Variants in IQCH observed in about 807,000 individuals in gnomAD.
IQCH encodes IQ motif containing H, also known as IQ domain-containing protein H.
IQCH carries 98 observed loss-of-function variants against 117.0 expected under a neutral mutation model. The observed-to-expected ratio is 0.84, with a 90% CI of 0.71 to 0.99. The LOEUF (loss-of-function observed/expected upper bound fraction) is 0.99, where lower values mean the gene tolerates loss of function less well. Among genes scored for constraint, IQCH ranks in the 50% least tolerant of loss-of-function variants. The pLI is 0.00. For missense variants in IQCH, 1,102 were observed against 1,243.8 expected, an observed-to-expected ratio of 0.89 and a Z score of 1.72; for synonymous variants, 412 against 448.2, an observed-to-expected ratio of 0.92 and a Z score of 1.02.
chr15:67,478,873 G>A (rs913228041), intron 18 of IQCH, among the ~76,000 whole-genome samples: 6 of 151,170 alleles, frequency 4.0e-5, no homozygotes, highest in African/African-American at 7.3e-5. Context: ...GCAGTGAGCC[G>A]AGATTGCGCC....
rs932312708 is a variant in IQCH at position 67,387,454 on chromosome 15, G to A, written c.1457-1377G>A. Among the ~76,000 whole-genome samples the A allele has an allele frequency of 1.3e-5, 2 of 152,110 alleles. No individual in the cohort carries two copies. Among genetic ancestry groups the A allele is most frequent in the African/African-American group, 4.8e-5 (2 of 41,410 alleles). ...TACTCCACACTGTGCCAGGGCTTAG[G>A]GGAATATAAGAAATAGTACAAACAT... On this transcript the variant is annotated intron_variant, in intron 11 of 20. Transcript: ENST00000335894. This position sits in a 1 kb window ranked among gnomAD's most constrained non-coding sequence, Gnocchi z 4.8.
chr15:67,300,990 T>TA (rs1281149991), intron 4 of IQCH, among the ~76,000 whole-genome samples: 1 of 152,176 alleles, frequency 6.6e-6, no homozygotes, highest in Non-Finnish European at 1.5e-5. Flanking sequence ...CTTTTGTTCT[T>TA]ACAAACCAGA....
chr15:67,254,856 A>C lies in IQCH; in HGVS notation c.-41A>C. ...TCCGGCTGAAGGTTTCCGTGCTTGG[A>C]AACCGCGCCTCCGCGGAGGTAGCCG... On this transcript the variant is annotated 5_prime_UTR_variant, in exon 1 of 21. Transcript: ENST00000335894. The C allele has an allele frequency of 2.5e-6, 4 of 1,602,766 alleles. No individual in the cohort carries two copies. The highest frequency in any genetic ancestry group is 3.4e-6 in the Non-Finnish European group (4 of 1,173,020).
In IQCH at chr15:67,381,062, C is replaced by CT; in HGVS notation, c.1373-3873dup. 6.6e-6 allele frequency among the ~76,000 whole-genome samples: 1 copy of CT among 152,322 alleles called. No homozygotes were observed. Among genetic ancestry groups the CT allele is most frequent in the Non-Finnish European group, 1.5e-5 (1 of 68,032 alleles). On this transcript the variant is annotated intron_variant, in intron 10 of 20. Coordinates refer to ENST00000335894, the MANE Select transcript of IQCH (RefSeq NM_001031715.3). This position sits in a 1 kb window ranked among gnomAD's most constrained non-coding sequence, Gnocchi z 5.1. ...TGTGATCTGCTGCAACAACAGGGGC[C>CT]TGTCACAGAGACATGCACCAGTGCC...
At chr15:67,277,626 C>T (rs1311975413) in intron 3 of IQCH, among the ~76,000 whole-genome samples, 6 of 151,000 alleles carry the variant, frequency 4.0e-5, no homozygotes, top group African/African-American at 1.5e-4. Context: ...CTCCGCCTTC[C>T]GGGTTCATGC....
At position 67,357,000 on chromosome 15, in the gene IQCH, A is replaced by G. The variant is rs1358686814; in HGVS notation, c.638-345A>G. On this transcript the variant is annotated intron_variant, in intron 6 of 20. Transcript: ENST00000335894. The surrounding 1 kb of genome is among the most constrained non-coding windows in gnomAD (Gnocchi z 5.3). The stretch of plus-strand genomic sequence containing the variant: ...TTTACATGAACCTGGGAATCTGGCT[A>G]TTTAAAGAAATCTTCTAACAAAGCA... Among the ~76,000 whole-genome samples, 1 of 152,172 alleles carries G rather than the reference A, an allele frequency of 6.6e-6. No individual in the cohort carries two copies. The highest frequency in any genetic ancestry group is 2.4e-5 in the African/African-American group (1 of 41,442).
chr15:67,357,098 A>G lies in IQCH; in HGVS notation c.638-247A>G, dbSNP rs961170464. Reference sequence around the variant, plus strand: ...GCCTGCTTTTAAAATTTGCCTTTTTATCTAGGCAGTTTGCATAAGGCGGGC... The same window carrying G: ...GCCTGCTTTTAAAATTTGCCTTTTTGTCTAGGCAGTTTGCATAAGGCGGGC... On this transcript the variant is annotated intron_variant, in intron 6 of 20. Transcript: ENST00000335894. Among the ~76,000 whole-genome samples the G allele has an allele frequency of 2.6e-5, 4 of 152,210 alleles. No homozygotes were observed. The East Asian group carries it at 5.8e-4, about 22-fold the overall frequency.
At chr15:67,344,279 C>A (rs1969293468) in intron 6 of IQCH, 88 bp downstream of exon 6, 1 of 1,225,848 alleles carries the variant, frequency 8.2e-7, no homozygotes, top group Admixed American at 2.2e-5. Flanking sequence ...CAACTTTTGT[C>A]CTCAATAATA....
intron 5 of IQCH, among the ~76,000 whole-genome samples, chr15:67,340,456 A>C (rs965564467): frequency 1.0e-4 from 15 of 146,884 alleles, no homozygotes; most frequent in East Asian, 6.0e-4. Flanking sequence ...AAAAAAAAAA[A>C]AAAAAAAACA....
At chr15:67,383,445 G>T (rs1437648530) in intron 10 of IQCH, among the ~76,000 whole-genome samples, 1 of 152,108 alleles carries the variant, frequency 6.6e-6, no homozygotes, top group Non-Finnish European at 1.5e-5. Flanking sequence ...TTTTAAATTG[G>T]ACATCATCTT....
intron 3 of IQCH, among the ~76,000 whole-genome samples, chr15:67,270,257 C>T (rs1317167816): frequency 2.0e-5 from 3 of 152,108 alleles, no homozygotes; most frequent in African/African-American, 4.8e-5. Context: ...CAGTATTATA[C>T]GGAATAAACG....
In IQCH at chr15:67,483,677, G is replaced by A. The variant is rs1379111063; in HGVS notation, c.2800-6326G>A. Among the ~76,000 whole-genome samples, 7 of 151,918 alleles carry A rather than the reference G, an allele frequency of 4.6e-5. No individual in the cohort carries two copies. The East Asian group carries it at 9.6e-4, about 21-fold the overall frequency. The stretch of plus-strand genomic sequence containing the variant: ...CTTGACCTCGTGATCCGCCCGCCTC[G>A]GCCTCCCAAAGTGCTGGGAGGCAAC... On this transcript the variant is annotated intron_variant, in intron 18 of 20. Coordinates refer to ENST00000335894, the MANE Select transcript of IQCH (RefSeq NM_001031715.3).
intron 17 of IQCH, among the ~76,000 whole-genome samples, chr15:67,471,719 A>G (rs185750179): frequency 3.9e-5 from 6 of 152,320 alleles, no homozygotes; most frequent in African/African-American, 1.4e-4. Context: ...TGTGCCAGAC[A>G]CTATTCCAAG....
At chr15:67,287,968 A>G (rs190063566) in intron 4 of IQCH, among the ~76,000 whole-genome samples, 1 of 151,888 alleles carries the variant, frequency 6.6e-6, no homozygotes, top group African/African-American at 2.4e-5. Flanking sequence ...GTTTCAAGAA[A>G]TTTTTCAGTT....
chr15:67,436,490 A>G lies in IQCH; in HGVS notation c.2505+14913A>G, dbSNP rs940097087. On this transcript the variant is annotated intron_variant, in intron 16 of 20. Transcript: ENST00000335894. The surrounding 1 kb of genome is among the most constrained non-coding windows in gnomAD (Gnocchi z 5.1). ...CCATCAGGACGGTGGCCAGAGAAGC[A>G]GGCGGTAAATCTCCACAGGGAGAAG... 5.3e-5 allele frequency among the ~76,000 whole-genome samples: 8 copies of G among 152,228 alleles called. No individual in the cohort carries two copies. The highest frequency in any genetic ancestry group is 1.3e-4 in the Admixed American group (2 of 15,286).
At position 67,432,602 on chromosome 15, in the gene IQCH, G is replaced by T. The variant is rs1274802435; in HGVS notation, c.2505+11025G>T. 6.6e-6 allele frequency among the ~76,000 whole-genome samples: 1 copy of T among 152,136 alleles called. No homozygotes were observed. The highest frequency in any genetic ancestry group is 1.9e-4 in the East Asian group (1 of 5,200). On this transcript the variant is annotated intron_variant, in intron 16 of 20. Coordinates refer to ENST00000335894, the MANE Select transcript of IQCH (RefSeq NM_001031715.3). This position sits in a 1 kb window ranked among gnomAD's most constrained non-coding sequence, Gnocchi z 5.0. ...AAATGGCATAACCACATGTAAAACT[G>T]TCACAGGAGCCCTCAGCAGGTGCTC...
At position 67,494,324 on chromosome 15, in the gene IQCH, A is replaced by G. The variant is rs773857646; in HGVS notation, c.2928A>G (p.Gln976=). ...CTCGCCATCTCTTCATCATCCATCA[A>G]GAAATATCAGCACCTAATATGCAAG... The part of the protein sequence containing the change: ...TFARHLFIIH[Q]EISAPNMQGE... The change falls in exon 20 of 21, where the codon CAA becomes CAG. Residue 976 remains glutamine (Q), a synonymous_variant. Coordinates refer to ENST00000335894, the MANE Select transcript of IQCH (RefSeq NM_001031715.3). The surrounding 1 kb of genome is among the most constrained non-coding windows in gnomAD (Gnocchi z 5.5). 3 of 1,613,520 alleles carry G rather than the reference A, an allele frequency of 1.9e-6. No homozygotes were observed. Among genetic ancestry groups the G allele is most frequent in the Non-Finnish European group, 2.5e-6 (3 of 1,179,910 alleles).
chr15:67,296,935 T>C (rs960309464), intron 4 of IQCH, among the ~76,000 whole-genome samples: 3 of 152,212 alleles, frequency 2.0e-5, no homozygotes, highest in Non-Finnish European at 4.4e-5. Flanking sequence ...GGGACCTGAA[T>C]AAATGTTAGC....
In IQCH at chr15:67,417,695, A is replaced by T. The variant is rs539162055; in HGVS notation, c.2218+644A>T. ...AATGAGGGAATGAATGGAGTGAATG[A>T]TGCCTGTCTACCGTCTCAGAGGTCC... On this transcript the variant is annotated intron_variant, in intron 15 of 20. Transcript: ENST00000335894. The surrounding 1 kb of genome is among the most constrained non-coding windows in gnomAD (Gnocchi z 4.3). Among the ~76,000 whole-genome samples the T allele has an allele frequency of 3.9e-5, 6 of 152,136 alleles. No homozygotes were observed. In the South Asian group the frequency reaches 1.2e-3, roughly 32 times the overall value.
Sources: gnomAD v4.1 joint callset for allele counts (sites outside exome capture counted in the v4.1 genomes callset) on GRCh38, gnomAD v4.1.1 for gene constraint, Gnocchi (gnomAD v3.1) non-coding constraint, MANE v1.5 for transcripts, NCBI Gene and HGNC (gene_info 2026-07-23, HGNC 2026-07-21) for gene names.